CCSER1: variants seen among roughly 807,000 people sequenced by gnomAD.
CCSER1 encodes the protein coiled-coil serine rich protein 1.
CCSER1 carries 41 observed loss-of-function variants against 82.0 expected under a neutral mutation model. The observed-to-expected ratio is 0.50, with a 90% CI of 0.39 to 0.65. CCSER1 has a LOEUF of 0.65. CCSER1 is among the 30% of genes least tolerant of loss of function. The pLI is 0.00. For synonymous variants in CCSER1, 414 were observed against 383.9 expected (o/e 1.08, Z -0.92); for missense variants, 1,119 against 1,064.2 (o/e 1.05, Z -0.72).
At chr4:90,305,900 C>CATGATAGCCAAGATATGTAACAAACCT (rs1734176212) in intron 1 of CCSER1, among the ~76,000 whole-genome samples, 2 of 152,182 alleles carry the variant, frequency 1.3e-5, no homozygotes, top group Non-Finnish European at 2.9e-5. Context: ...CATCATTATT[C>CATGATAGCCAAGATATGTAACAAACCT]ATGATAGCCA....
chr4:91,170,356 A>G (rs1732624081), intron 10 of CCSER1, among the ~76,000 whole-genome samples: 1 of 152,188 alleles, frequency 6.6e-6, no homozygotes, highest in South Asian at 2.1e-4. Flanking sequence ...AATCTAATAA[A>G]AAGGAGCAGG....
intron 1 of CCSER1, among the ~76,000 whole-genome samples, chr4:90,250,187 C>G (rs1357482581): frequency 6.6e-6 from 1 of 151,952 alleles, no homozygotes; most frequent in African/African-American, 2.4e-5. Flanking sequence ...TGGGCTTTTA[C>G]CTTCCTGATG....
intron 5 of CCSER1, among the ~76,000 whole-genome samples, chr4:90,484,010 C>T (rs1485708444): frequency 6.6e-6 from 1 of 152,180 alleles, no homozygotes; most frequent in African/African-American, 2.4e-5. Flanking sequence ...TCAGGTACAC[C>T]AATTAGACGT....
chr4:90,619,172 A>G (rs972659453), intron 5 of CCSER1, among the ~76,000 whole-genome samples: 4 of 151,956 alleles, frequency 2.6e-5, no homozygotes, highest in African/African-American at 7.2e-5. Flanking sequence ...ACTTCTAGCA[A>G]ATTTTGAAAG....
chr4:91,447,739 T>C (rs951441345), intron 10 of CCSER1, among the ~76,000 whole-genome samples: 26 of 152,130 alleles, frequency 1.7e-4, no homozygotes, highest in African/African-American at 6.3e-4. Context: ...GTTTAATTTT[T>C]TTGAAATTAA....
chr4:90,636,060 A>G (rs541425416), intron 6 of CCSER1, among the ~76,000 whole-genome samples: 13 of 152,056 alleles, frequency 8.5e-5, no homozygotes, highest in African/African-American at 2.6e-4. Flanking sequence ...ATAAAAAAAG[A>G]TTATAGAAAA....
chr4:90,348,748 C>T (rs1443894306), intron 3 of CCSER1, among the ~76,000 whole-genome samples: 2 of 152,092 alleles, frequency 1.3e-5, no homozygotes, highest in Non-Finnish European at 2.9e-5. Flanking sequence ...TAGGGTTTAG[C>T]ATTATCTGAG....
chr4:90,782,700 T>TTTTG, intron 7 of CCSER1, among the ~76,000 whole-genome samples: 1 of 149,818 alleles, frequency 6.7e-6, no homozygotes, highest in East Asian at 2.0e-4. Flanking sequence ...TTTTTTTTTT[T>TTTTG]TGAGACAGTC....
intron 10 of CCSER1, among the ~76,000 whole-genome samples, chr4:91,263,349 T>C (rs1251808342): frequency 6.6e-6 from 1 of 152,084 alleles, no homozygotes; most frequent in East Asian, 1.9e-4. Context: ...ATTCTGCACT[T>C]AAATTTTTGT....
At chr4:91,160,347 A>C (rs1731260485) in intron 10 of CCSER1, among the ~76,000 whole-genome samples, 1 of 152,236 alleles carries the variant, frequency 6.6e-6, no homozygotes, top group Non-Finnish European at 1.5e-5. Context: ...ATAGTGCCAC[A>C]GTAAACATAC....
chr4:91,180,551 A>G (rs1056635284), intron 10 of CCSER1, among the ~76,000 whole-genome samples: 2 of 152,094 alleles, frequency 1.3e-5, no homozygotes, highest in Non-Finnish European at 2.9e-5. Flanking sequence ...TTGCAGTTTG[A>G]CCTCAGACTG....
chr4:90,845,359 TAAAA>T (rs886923723), intron 8 of CCSER1, among the ~76,000 whole-genome samples: 6 of 96,578 alleles, frequency 6.2e-5, no homozygotes, highest in Admixed American at 1.2e-4. Flanking sequence ...AGACGCCATC[TAAAA>T]AAAAAAAAAA....
chr4:91,445,470 G>A (rs1384940176), intron 10 of CCSER1, among the ~76,000 whole-genome samples: 1 of 151,310 alleles, frequency 6.6e-6, no homozygotes, highest in Non-Finnish European at 1.5e-5. Context: ...CTCCCAAGCG[G>A]TCACAGTGGA....
intron 5 of CCSER1, among the ~76,000 whole-genome samples, chr4:90,557,985 T>C (rs1170348121): frequency 1.3e-5 from 2 of 152,198 alleles, no homozygotes; most frequent in Non-Finnish European, 2.9e-5. Flanking sequence ...TCCTCTTCCA[T>C]ATTACAATGG....
At chr4:90,368,711 G>A (rs1402134506) in intron 3 of CCSER1, among the ~76,000 whole-genome samples, 1 of 151,644 alleles carries the variant, frequency 6.6e-6, no homozygotes, top group Non-Finnish European at 1.5e-5. Context: ...ATTGAAACTT[G>A]TCTACCTCGC....
rs181445152 is a variant in CCSER1 at position 91,516,688 on chromosome 4, G to A, written c.2218-81884G>A. Among the ~76,000 whole-genome samples the A allele has an allele frequency of 1.1e-4, 17 of 151,984 alleles. No homozygotes were observed. The East Asian group carries it at 2.7e-3, about 24-fold the overall frequency. ...TTTGCTTAGGACGTCTTGTTTCTTC[G>A]GGTTCTTTTTCTTCCAAATGAATTT... is the stretch of plus-strand genomic sequence containing the variant. On this transcript the variant is annotated intron_variant, in intron 10 of 10. Coordinates refer to ENST00000509176, the MANE Select transcript of CCSER1 (RefSeq NM_001145065.2).
chr4:90,781,946 A>G, intron 7 of CCSER1: 2 of 920,692 alleles, frequency 2.2e-6, no homozygotes, highest in Non-Finnish European at 2.6e-6. Context: ...ATATGAACGC[A>G]GTGTATTAAA....
chr4:90,795,473 G>A (rs984584413), intron 7 of CCSER1, among the ~76,000 whole-genome samples: 5 of 152,110 alleles, frequency 3.3e-5, no homozygotes, highest in Admixed American at 2.6e-4. Context: ...CTTCCTATTC[G>A]GATGTCCTTT....
At chr4:91,093,544 C>A (rs529142597) in intron 10 of CCSER1, among the ~76,000 whole-genome samples, 17 of 152,318 alleles carry the variant, frequency 1.1e-4, no homozygotes, top group African/African-American at 4.1e-4. Context: ...CAAGGGTTAG[C>A]TTGTCTGCTT....
Sources: allele counts gnomAD v4.1 joint callset (sites outside exome capture counted in the v4.1 genomes callset), GRCh38; gene constraint gnomAD v4.1.1; transcripts MANE v1.5; gene names NCBI Gene and HGNC (gene_info 2026-07-23, HGNC 2026-07-21).